The following DLG5 variants were observed in gnomAD, a reference collection of about 807,000 sequenced individuals.
DLG5 encodes discs large MAGUK scaffold protein 5.
DLG5 carries 48 observed loss-of-function variants against 189.8 expected under a neutral mutation model. The observed-to-expected ratio is 0.25, with a 90% confidence interval of 0.20 to 0.32. DLG5 has a LOEUF of 0.32. Ranked by LOEUF, DLG5 falls within the 10% of genes least tolerant of loss-of-function variation. DLG5 has a pLI of 1.00. For missense variants in DLG5, 2,160 were observed against 2,544.7 expected (o/e 0.85, Z 3.25); for synonymous variants, 1,016 against 1,054.1 (o/e 0.96, Z 0.70).
rs1298963010 is a variant in DLG5, at chr10:77,891,046, C to T, written c.305-21849G>A. On this transcript the variant is annotated intron_variant, in intron 1 of 31. Transcript: ENST00000372391. ...GATTCCACCATCACTACTGCCTCTACCAACATCCCAACCGACCCTTCAGGC... is the reference window on the plus strand; with the variant it reads ...GATTCCACCATCACTACTGCCTCTATCAACATCCCAACCGACCCTTCAGGC... 2.6e-5 allele frequency among the ~76,000 whole-genome samples: 4 copies of T among 152,326 alleles called. No individual in the cohort carries two copies. In the South Asian group the frequency reaches 8.3e-4, roughly 32 times the overall value.
chr10:77,806,738 C>CCCCCCCCCCCCCCAA lies in DLG5; in HGVS notation c.4967+19_4967+20insTTGGGGGGGGGGGGG. Reference sequence around the variant, plus strand: ...CGGCGACCCCTGCCCCACCCCACCCCAGGCCCGGAGAACACTTACACATAT... The same window carrying CCCCCCCCCCCCCCAA: ...CGGCGACCCCTGCCCCACCCCACCCCCCCCCCCCCCCCCAAAGGCCCGGAGAACACTTACACATAT... On this transcript the variant is annotated intron_variant, in intron 26 of 31. Coordinates refer to ENST00000372391, the MANE Select transcript of DLG5 (RefSeq NM_004747.4). 2 of 1,574,700 alleles carry CCCCCCCCCCCCCCAA rather than the reference C, an allele frequency of 1.3e-6. No homozygotes were observed. The highest frequency in any genetic ancestry group is 1.7e-6 in the Non-Finnish European group (2 of 1,147,888).
chr10:77,860,110 G>A (rs1589227302), intron 2 of DLG5, among the ~76,000 whole-genome samples: 1 of 152,328 alleles, frequency 6.6e-6, no homozygotes, highest in East Asian at 1.9e-4. Flanking sequence ...CCTCACAAGT[G>A]TGTACTGATA....
At chr10:77,936,446 C>CAAAAAAA in the DLG5 span, among the ~76,000 whole-genome samples, 21 of 52,112 alleles carry the variant, frequency 4.0e-4, no homozygotes, top group Admixed American at 9.3e-4. Context: ...CAAAACAAAA[C>CAAAAAAA]AAAAAAAAAA....
chr10:77,799,478 C>A (rs577766997), intron 27 of DLG5, among the ~76,000 whole-genome samples: 1 of 152,154 alleles, frequency 6.6e-6, no homozygotes, highest in African/African-American at 2.4e-5. Context: ...GAGGCAGCTG[C>A]GTACAAGGCA....
rs147253082 is a variant in DLG5 at position 77,817,873 on chromosome 10, G to A, written c.3688C>T (p.Arg1230Cys). 16 of 1,552,008 alleles carry A rather than the reference G, an allele frequency of 1.0e-5. No homozygotes were observed. The highest frequency in any genetic ancestry group is 5.9e-5 in the Admixed American group (3 of 51,058). ...CTGTGGCTCAGGTCCAGGCTCAGGCGTCCCTGGTGCTGGACACTGCGTAAA... is the reference window on the plus strand; with the variant it reads ...CTGTGGCTCAGGTCCAGGCTCAGGCATCCCTGGTGCTGGACACTGCGTAAA... ...GLHPSVQHQGRLSLDLSHRTC... is the reference protein window; with the variant it reads ...GLHPSVQHQGCLSLDLSHRTC... The change falls in exon 18 of 32, where the codon CGC (arginine) becomes TGC (cysteine). Residue 1230 changes from arginine to cysteine, a missense_variant. By Grantham distance (180) the Arg-to-Cys change is radical. Around this residue, in one of 5 missense-constraint regions of DLG5, gnomAD observed 754 missense variants for 746.5 expected, o/e 1.01. Transcript: ENST00000372391.
chr10:77,827,281 A>G (rs1842684148), intron 13 of DLG5, among the ~76,000 whole-genome samples: 1 of 152,180 alleles, frequency 6.6e-6, no homozygotes, highest in Non-Finnish European at 1.5e-5. Context: ...GCTAGAGTGC[A>G]GTGGCGCGAT....
chr10:77,804,582 CAGT>C, intron 27 of DLG5, among the ~76,000 whole-genome samples: 1 of 152,346 alleles, frequency 6.6e-6, no homozygotes, highest in Admixed American at 6.5e-5. Context: ...GGACAGTAGA[CAGT>C]AGACACACAC....
chr10:77,820,099 A>C, intron 15 of DLG5, 81 bp from the exon 16 acceptor site: 1 of 1,567,736 alleles, frequency 6.4e-7, no homozygotes, highest in Non-Finnish European at 8.6e-7. Flanking sequence ...TAATCCCAGC[A>C]CTCTGGGAGG....
intron 1 of DLG5, among the ~76,000 whole-genome samples, chr10:77,912,893 A>G (rs1254145327): frequency 6.6e-6 from 1 of 152,140 alleles, no homozygotes. Context: ...CAAGCAGACC[A>G]GTGGTTTTCA....
At chr10:77,804,511 G>T (rs1057430457) in intron 27 of DLG5, among the ~76,000 whole-genome samples, 3 of 152,174 alleles carry the variant, frequency 2.0e-5, no homozygotes, top group African/African-American at 7.2e-5. Context: ...GCAGCCAGCT[G>T]CCCTACACTC....
intron 9 of DLG5, among the ~76,000 whole-genome samples, chr10:77,831,282 G>A (rs1842884750): frequency 6.6e-6 from 1 of 152,080 alleles, no homozygotes; most frequent in African/African-American, 2.4e-5. Flanking sequence ...GCATGTGCCT[G>A]TAACCTCGGC....
chr10:77,841,795 T>C (rs1040010076), intron 7 of DLG5, 86 bp downstream of exon 7: 2 of 1,483,048 alleles, frequency 1.3e-6, no homozygotes, highest in African/African-American at 1.4e-5. Context: ...AGGAGGCTTC[T>C]AATCCGGACA....
At chr10:77,841,136 AAC>A (rs1389343263) in intron 7 of DLG5, among the ~76,000 whole-genome samples, 2 of 152,196 alleles carry the variant, frequency 1.3e-5, no homozygotes, top group African/African-American at 4.8e-5. Context: ...AGCCACACAC[AAC>A]ACAGACTGAA....
At position 77,815,729 on chromosome 10, in the gene DLG5, C is replaced by T. The variant is rs564903039; in HGVS notation, c.4025+822G>A. Among the ~76,000 whole-genome samples, 5 of 152,312 alleles carry T rather than the reference C, an allele frequency of 3.3e-5. No individual in the cohort carries two copies. The East Asian group carries it at 9.6e-4, about 29-fold the overall frequency. On this transcript the variant is annotated intron_variant, in intron 20 of 31. Transcript: ENST00000372391. ...AGGCTCACAGCTACAGAGGCCTCAGCTTTCTGGACTCAAATGAAAGAGAGT... is the reference window on the plus strand; with the variant it reads ...AGGCTCACAGCTACAGAGGCCTCAGTTTTCTGGACTCAAATGAAAGAGAGT...
At chr10:77,808,347 G>C (rs1321579097) in intron 24 of DLG5, among the ~76,000 whole-genome samples, 1 of 152,158 alleles carries the variant, frequency 6.6e-6, no homozygotes, top group Non-Finnish European at 1.5e-5. Flanking sequence ...GCTCACAGTA[G>C]CCTATACCTC....
intron 20 of DLG5, chr10:77,816,294 T>C (rs892704991): frequency 2.9e-6 from 2 of 693,618 alleles, no homozygotes; most frequent in Non-Finnish European, 5.2e-6. Context: ...GGTGCCATGA[T>C]GGCACGATCA....
chr10:77,811,961 G>A lies in DLG5; in HGVS notation c.4285C>T (p.Pro1429Ser), dbSNP rs1242740048. Residue 1429 changes from proline (P) to serine (S), a missense_variant, in exon 22 of 32, where the codon CCC becomes TCC. Coordinates refer to ENST00000372391, the MANE Select transcript of DLG5 (RefSeq NM_004747.4). Reference sequence around the variant, plus strand: ...TGGCTGCTGAGCTGGTGCACGTGGGGGTTGTACTGGGCCAGGATGGTGATG... The same window carrying A: ...TGGCTGCTGAGCTGGTGCACGTGGGAGTTGTACTGGGCCAGGATGGTGATG... ...DTITILAQYN[P>S]HVHQLSSHSR... The A allele has an allele frequency of 6.2e-7, 1 of 1,609,546 alleles. No individual in the cohort carries two copies. The highest frequency in any genetic ancestry group is 1.3e-5 in the African/African-American group (1 of 75,048).
chr10:77,812,076 G>A lies in DLG5; in HGVS notation c.4189-19C>T. 6.2e-7 allele frequency: 1 copy of A among 1,607,480 alleles called. No individual in the cohort carries two copies. The highest frequency in any genetic ancestry group is 1.7e-5 in the Admixed American group (1 of 60,004). ...CGTTGAACTGGGGAAACACCAGGAT[G>A]GGCTCAGTGGGGGGGTCGGGGCTGT... On this transcript the variant is annotated intron_variant, in intron 21 of 31. Coordinates refer to ENST00000372391, the MANE Select transcript of DLG5 (RefSeq NM_004747.4).
At chr10:77,863,917 G>A (rs1427043228) in intron 2 of DLG5, among the ~76,000 whole-genome samples, 6 of 152,172 alleles carry the variant, frequency 3.9e-5, no homozygotes, top group African/African-American at 9.7e-5. Flanking sequence ...CCTGCCTTAC[G>A]AGGAAGCTGG....
Sources: allele counts gnomAD v4.1 joint callset (sites outside exome capture counted in the v4.1 genomes callset), GRCh38; gene constraint gnomAD v4.1.1; regional missense constraint gnomAD v4.1.1; transcripts MANE v1.5; gene names NCBI Gene and HGNC (gene_info 2026-07-23, HGNC 2026-07-21).